Variants in ACCSL observed in about 807,000 individuals in gnomAD.
The protein encoded by ACCSL is 1-aminocyclopropane-1-carboxylate synthase homolog (inactive) like, also known as probable inactive 1-aminocyclopropane-1-carboxylate synthase-like protein 2.
Under a neutral mutation model 61.7 loss-of-function variants are expected in ACCSL, and 55 were observed. That is an observed-to-expected ratio of 0.89 (90% CI 0.72 to 1.12). The LOEUF (loss-of-function observed/expected upper bound fraction) is 1.12. Among genes scored for constraint, ACCSL ranks in the 50% most tolerant of loss-of-function variants. The pLI, the probability that ACCSL is intolerant of heterozygous loss-of-function variation, is 0.00. For synonymous variants in ACCSL, 258 were observed against 264.3 expected (o/e 0.98, Z 0.23); for missense variants, 632 against 698.0 (o/e 0.91, Z 1.07).
chr11:44,035,957 AAAAG>A, the ACCSL span, among the ~76,000 whole-genome samples: 1 of 151,392 alleles, frequency 6.6e-6, no homozygotes, highest in Admixed American at 6.6e-5. Flanking sequence ...AAAAAAAAAA[AAAAG>A]AAAGAAAGAA....
the ACCSL span, among the ~76,000 whole-genome samples, chr11:43,996,409 T>C: frequency 2.0e-5 from 3 of 152,088 alleles, no homozygotes; most frequent in Admixed American, 6.6e-5. Context: ...ATTGCCACGC[T>C]CTGTTAACAG....
At chr11:43,980,644 G>A in the ACCSL span, among the ~76,000 whole-genome samples, 10 of 152,008 alleles carry the variant, frequency 6.6e-5, no homozygotes, top group Non-Finnish European at 1.2e-4. Context: ...AGAGTTCTTC[G>A]TATTTAGGAA....
chr11:44,040,504 G>A, the ACCSL span, among the ~76,000 whole-genome samples: 1 of 152,124 alleles, frequency 6.6e-6, no homozygotes, highest in South Asian at 2.1e-4. Flanking sequence ...ATGGGAAAAG[G>A]TGGATCTTAT....
the ACCSL span, among the ~76,000 whole-genome samples, chr11:44,018,407 C>T: frequency 6.6e-6 from 1 of 152,242 alleles, no homozygotes; most frequent in Non-Finnish European, 1.5e-5. Context: ...CTCAGGCTTA[C>T]CCTCCTGACC....
chr11:44,006,125 G>T, the ACCSL span, among the ~76,000 whole-genome samples: 1 of 152,212 alleles, frequency 6.6e-6, no homozygotes, highest in African/African-American at 2.4e-5. Flanking sequence ...CAGTCTGAAA[G>T]AACTGGGCCA....
chr11:43,940,041 C>A, the ACCSL span, among the ~76,000 whole-genome samples: 2 of 152,346 alleles, frequency 1.3e-5, no homozygotes, highest in Non-Finnish European at 2.9e-5. Flanking sequence ...TAATCCAAGC[C>A]TTCAGTGTTG....
the ACCSL span, among the ~76,000 whole-genome samples, chr11:43,958,106 G>T: frequency 5.9e-5 from 9 of 152,308 alleles, no homozygotes; most frequent in East Asian, 1.7e-3. Flanking sequence ...AGGCTAAATT[G>T]TTCTTGTAAA....
At chr11:44,034,196 CA>C in the ACCSL span, among the ~76,000 whole-genome samples, 1 of 152,216 alleles carries the variant, frequency 6.6e-6, no homozygotes, top group Non-Finnish European at 1.5e-5. Flanking sequence ...GGTCCACCCA[CA>C]CCCCATCTGG....
At chr11:44,015,872 G>T in the ACCSL span, among the ~76,000 whole-genome samples, 1 of 152,194 alleles carries the variant, frequency 6.6e-6, no homozygotes, top group East Asian at 1.9e-4. Flanking sequence ...TTCTAATTTA[G>T]TTGTGAGGAG....
At chr11:43,959,065 A>G in the ACCSL span, among the ~76,000 whole-genome samples, 5 of 152,304 alleles carry the variant, frequency 3.3e-5, no homozygotes, top group African/African-American at 1.2e-4. Flanking sequence ...TGGAGCCCTC[A>G]TGATTTAATC....
the ACCSL span, among the ~76,000 whole-genome samples, chr11:43,935,532 T>A: frequency 0.53 from 80,697 of 152,192 alleles, 21,633 homozygotes; most frequent in East Asian, 0.61. Flanking sequence ...GGGTGATGCT[T>A]GGGTCCCTCT....
chr11:43,935,365 C>G, the ACCSL span, among the ~76,000 whole-genome samples: 1 of 152,234 alleles, frequency 6.6e-6, no homozygotes, highest in Non-Finnish European at 1.5e-5. Flanking sequence ...CAGTGCTGTT[C>G]TCATTGCACC....
the ACCSL span, among the ~76,000 whole-genome samples, chr11:43,922,817 C>G: frequency 5.3e-4 from 81 of 152,266 alleles, no homozygotes; most frequent in Non-Finnish European, 1.0e-3. Flanking sequence ...ACAATACTTA[C>G]CAACACCATT....
At chr11:43,976,561 A>T in the ACCSL span, among the ~76,000 whole-genome samples, 1 of 152,308 alleles carries the variant, frequency 6.6e-6, no homozygotes, top group South Asian at 2.1e-4. Context: ...AAAGTCAAAA[A>T]CAGGTGTCCT....
the ACCSL span, among the ~76,000 whole-genome samples, chr11:44,016,653 C>G: frequency 3.3e-5 from 5 of 152,076 alleles, no homozygotes; most frequent in Admixed American, 6.6e-5. Flanking sequence ...TTGGACCAAG[C>G]CTTGAAAGCC....
At chr11:44,024,087 G>A in the ACCSL span, among the ~76,000 whole-genome samples, 1 of 152,170 alleles carries the variant, frequency 6.6e-6, no homozygotes, top group Non-Finnish European at 1.5e-5. Flanking sequence ...ATTTGAATCA[G>A]TGGACTCAAT....
chr11:44,055,251 G>T lies in ACCSL; in HGVS notation c.1099G>T (p.Asp367Tyr), dbSNP rs747018184. 12 of 1,612,944 alleles carry T rather than the reference G, an allele frequency of 7.4e-6. 1 individual carries two copies. In the South Asian group the frequency reaches 1.3e-4, roughly 18 times the overall value. The change falls in exon 9 of 14, where the codon GAT becomes TAT. Residue 367 changes from aspartate to tyrosine, a missense_variant. Transcript: ENST00000378832. ...TGAGATTTACATGCTGTCTGTGTTTGATGAATCCATCACATTCCACAGCAT... is the reference window on the plus strand; with the variant it reads ...TGAGATTTACATGCTGTCTGTGTTTTATGAATCCATCACATTCCACAGCAT... ...IDEIYMLSVF[D>Y]ESITFHSILS...
At chr11:43,943,869 T>C in the ACCSL span, 4 of 1,256,150 alleles carry the variant, frequency 3.2e-6, no homozygotes, top group African/African-American at 6.2e-5. The surrounding 1 kb of genome is among the most constrained non-coding windows in gnomAD (Gnocchi z 4.8). Flanking sequence ...AAAGTCAATA[T>C]ATTTGCACAG....
chr11:43,922,967 T>C, the ACCSL span, among the ~76,000 whole-genome samples: 2 of 152,226 alleles, frequency 1.3e-5, no homozygotes, highest in African/African-American at 4.8e-5. Context: ...AGGATCCACA[T>C]TGATCCATCA....
Sources: allele counts gnomAD v4.1 joint callset (sites outside exome capture counted in the v4.1 genomes callset), GRCh38; gene constraint gnomAD v4.1.1; non-coding constraint Gnocchi (gnomAD v3.1); transcripts MANE v1.5; gene names NCBI Gene and HGNC (gene_info 2026-07-23, HGNC 2026-07-21).